The following MYO9B variants were observed in gnomAD, a reference collection of about 807,000 sequenced individuals.
The protein encoded by MYO9B is unconventional myosin-IXb.
MYO9B carries 71 observed loss-of-function variants against 229.5 expected under a neutral mutation model. The ratio of observed to expected loss-of-function variants is 0.31; its 90% CI spans 0.26 to 0.38. The LOEUF (loss-of-function observed/expected upper bound fraction) is 0.38. MYO9B is among the 10% of genes least tolerant of loss of function. MYO9B has a pLI of 1.00. For synonymous variants in MYO9B, 1,185 were observed against 1,235.8 expected (o/e 0.96, Z 0.86); for missense variants, 2,255 against 2,920.5 (o/e 0.77, Z 5.25).
At chr19:17,127,542 T>TG (rs1463535177) in intron 2 of MYO9B, among the ~76,000 whole-genome samples, 1 of 152,224 alleles carries the variant, frequency 6.6e-6, no homozygotes, top group Non-Finnish European at 1.5e-5. Flanking sequence ...TTGGCCAGGC[T>TG]GGTCATGAAC....
intron 1 of MYO9B, among the ~76,000 whole-genome samples, chr19:17,077,661 A>G (rs1425849195): frequency 6.6e-6 from 1 of 152,072 alleles, no homozygotes; most frequent in African/African-American, 2.4e-5. Flanking sequence ...ATTGACCTCC[A>G]TCAGCGTTTT....
At position 17,191,144 on chromosome 19, in the gene MYO9B, C is replaced by A; in HGVS notation, c.2736C>A (p.Pro912=). Residue 912 remains proline (P), a synonymous_variant, in exon 20 of 40, where the codon CCC becomes CCA. Transcript: ENST00000682292. ...TGCTCCTGCCCAAGGATGCCCAGCC[C>A]TGCAGGGAGGTCATCTCCACCCTCC... ...FQVLLPKDAQ[P]CREVISTLLE... The A allele has an allele frequency of 4.3e-6, 7 of 1,612,766 alleles. No individual in the cohort carries two copies. Among genetic ancestry groups the A allele is most frequent in the Non-Finnish European group, 5.9e-6 (7 of 1,179,292 alleles).
chr19:17,129,535 G>A (rs1411872491), intron 2 of MYO9B, among the ~76,000 whole-genome samples: 2 of 152,222 alleles, frequency 1.3e-5, no homozygotes, highest in South Asian at 4.1e-4. Context: ...AACCAAACGT[G>A]TCAGGGCAGG....
At chr19:17,154,559 C>G in intron 6 of MYO9B, 144 bp downstream of exon 6, 1 of 567,474 alleles carries the variant, frequency 1.8e-6, no homozygotes, top group Non-Finnish European at 3.1e-6. Context: ...GGGAGTGTGG[C>G]CCAATAGCAG....
At chr19:17,092,941 A>T (rs1472853200) in intron 1 of MYO9B, among the ~76,000 whole-genome samples, 8 of 152,112 alleles carry the variant, frequency 5.3e-5, no homozygotes, top group African/African-American at 1.9e-4. Flanking sequence ...CTGTATGCAC[A>T]GAAGTGTGTG....
intron 18 of MYO9B, among the ~76,000 whole-genome samples, chr19:17,186,419 A>C (rs1465512996): frequency 6.6e-6 from 1 of 152,090 alleles, no homozygotes; most frequent in Non-Finnish European, 1.5e-5. Context: ...CAGGCTCAGC[A>C]CTGGCACAGG....
At chr19:17,110,591 T>C (rs2057838445) in intron 2 of MYO9B, among the ~76,000 whole-genome samples, 2 of 152,188 alleles carry the variant, frequency 1.3e-5, no homozygotes, top group African/African-American at 2.4e-5. Context: ...CTGTAGCAAG[T>C]GCAGCTGGCA....
Position 17,101,393 on chromosome 19 carries a change from C to T in MYO9B, c.-58-267C>T, listed in dbSNP as rs2057743117. Among the ~76,000 whole-genome samples the T allele has an allele frequency of 6.6e-6, 1 of 152,022 alleles. No individual in the cohort carries two copies. The highest frequency in any genetic ancestry group is 2.4e-5 in the African/African-American group (1 of 41,412). ...TGTTGCCCAGGCTGGTCTCAAACTC[C>T]TGGCCTCAAGCGATCCTCCCACCTT... On this transcript the variant is annotated intron_variant, in intron 1 of 39. Coordinates refer to ENST00000682292, the MANE Select transcript of MYO9B (RefSeq NM_004145.4). This position sits in a 1 kb window ranked among gnomAD's most constrained non-coding sequence, Gnocchi z 4.7.
chr19:17,085,946 G>A (rs182158793), intron 1 of MYO9B, among the ~76,000 whole-genome samples: 2 of 152,004 alleles, frequency 1.3e-5, no homozygotes, highest in African/African-American at 4.8e-5. Context: ...CAGGTCACCC[G>A]AGAAGGACCT....
At chr19:17,129,580 C>T (rs532449834) in intron 2 of MYO9B, among the ~76,000 whole-genome samples, 12 of 152,292 alleles carry the variant, frequency 7.9e-5, no homozygotes, top group East Asian at 3.9e-4. Flanking sequence ...GAGCCACGGA[C>T]GCGTCAGCCT....
At chr19:17,090,435 G>A (rs754225463) in intron 1 of MYO9B, among the ~76,000 whole-genome samples, 1 of 152,160 alleles carries the variant, frequency 6.6e-6, no homozygotes, top group Non-Finnish European at 1.5e-5. Flanking sequence ...AGAGGCGTGA[G>A]CCGCCTCACT....
rs748478130 is a variant in MYO9B, at chr19:17,195,073, A to G, written c.3646A>G (p.Lys1216Glu). The change falls in exon 22 of 40, where the codon AAG (lysine) becomes GAG (glutamate). Residue 1216 changes from lysine to glutamate, a missense_variant. By Grantham distance (56) the Lys-to-Glu change is moderately conservative. Coordinates refer to ENST00000682292, the MANE Select transcript of MYO9B (RefSeq NM_004145.4). The surrounding 1 kb of genome is among the most constrained non-coding windows in gnomAD (Gnocchi z 4.5). ...GACGGAGGCTGAGAACACATCTCAA[A>G]AGCAGCCCACAGAGCAACCCCAGGC... is the stretch of plus-strand genomic sequence containing the variant. Reference protein sequence around the residue: ...VETEAENTSQKQPTEQPQAMA... With the variant: ...VETEAENTSQEQPTEQPQAMA... The G allele has an allele frequency of 1.3e-5, 21 of 1,612,978 alleles. No homozygotes were observed. In the East Asian group the frequency reaches 4.5e-4, roughly 34 times the overall value.
At chr19:17,173,907 T>C (rs2072753097) in intron 13 of MYO9B, among the ~76,000 whole-genome samples, 2 of 151,778 alleles carry the variant, frequency 1.3e-5, no homozygotes, top group Admixed American at 6.6e-5. Context: ...AGGGGCTTCA[T>C]GAAAAGGAGG....
intron 2 of MYO9B, among the ~76,000 whole-genome samples, chr19:17,123,137 C>T (rs2057980523): frequency 6.6e-6 from 1 of 152,084 alleles, no homozygotes; most frequent in South Asian, 2.1e-4. Flanking sequence ...TTCAGCTTGG[C>T]TTGCAAGTAT....
Position 17,193,131 on chromosome 19 carries a change from C to T in MYO9B, c.3128+69C>T. The T allele has an allele frequency of 7.2e-7, 1 of 1,397,940 alleles. No homozygotes were observed. Among genetic ancestry groups the T allele is most frequent in the Non-Finnish European group, 9.4e-7 (1 of 1,067,636 alleles). The allele number at this position is 1,397,940 out of a possible 1,614,324, so 86.6% of individuals were successfully genotyped here. On this transcript the variant is annotated intron_variant, in intron 21 of 39. Transcript: ENST00000682292. The surrounding 1 kb of genome is among the most constrained non-coding windows in gnomAD (Gnocchi z 4.3). ...AAAAAGGTCACTCACCAAATTGCTG[C>T]CCGTGATATACCATCTGGCCTGTGG...
At chr19:17,077,481 G>A (rs529884769) in intron 1 of MYO9B, among the ~76,000 whole-genome samples, 3 of 152,278 alleles carry the variant, frequency 2.0e-5, no homozygotes, top group East Asian at 1.9e-4. Context: ...GCTTGCACTG[G>A]CCTACAGAAC....
At chr19:17,128,711 G>A (rs1357030773) in intron 2 of MYO9B, among the ~76,000 whole-genome samples, 4 of 152,216 alleles carry the variant, frequency 2.6e-5, no homozygotes, top group African/African-American at 4.8e-5. Context: ...CCGTGGCCTC[G>A]GGACGAGTGC....
chr19:17,096,703 T>TTGG (rs759502732), intron 1 of MYO9B, among the ~76,000 whole-genome samples: 13 of 53,208 alleles, frequency 2.4e-4, no homozygotes, highest in East Asian at 2.0e-3. Context: ...GTTGTTGTTG[T>TTGG]TGGTTTTTTT....
chr19:17,168,159 T>C (rs1286402648), intron 11 of MYO9B, 95 bp downstream of exon 11: 46 of 1,480,614 alleles, frequency 3.1e-5, no homozygotes, highest in Non-Finnish European at 3.9e-5. Flanking sequence ...ATCCAGACTT[T>C]CCCAAGAGCG....
Sources: allele counts gnomAD v4.1 joint callset (sites outside exome capture counted in the v4.1 genomes callset), GRCh38; gene constraint gnomAD v4.1.1; non-coding constraint Gnocchi (gnomAD v3.1); transcripts MANE v1.5; gene names NCBI Gene and HGNC (gene_info 2026-07-23, HGNC 2026-07-21).